The following CNTLN variants were observed in gnomAD, a reference collection of about 807,000 sequenced individuals.
CNTLN encodes centlein.
Under a neutral mutation model 180.0 loss-of-function variants are expected in CNTLN, and 212 were observed. The observed-to-expected ratio is 1.18, with a 90% CI of 1.05 to 1.32. CNTLN has a LOEUF of 1.32. Ranked by LOEUF, CNTLN falls within the 40% of genes most tolerant of loss-of-function variation. The pLI is 0.00. For missense variants in CNTLN, 2,095 were observed against 1,610.9 expected (o/e 1.30, Z -5.14); for synonymous variants, 722 against 563.1 (o/e 1.28, Z -3.99).
rs561435487 is a variant in CNTLN, at chr9:17,165,721, T to G, written c.449+22345T>G. Among the ~76,000 whole-genome samples the G allele has an allele frequency of 2.0e-5, 3 of 152,350 alleles. No individual in the cohort carries two copies. The East Asian group carries it at 5.8e-4, about 29-fold the overall frequency. ...GTACAGGATTAGCTATTATGAAAAC[T>G]GGGGGAATAAGTGAATGCCTATTCT... On this transcript the variant is annotated intron_variant, in intron 2 of 25. Transcript: ENST00000380647.
intron 2 of CNTLN, among the ~76,000 whole-genome samples, chr9:17,151,539 A>G (rs950534678): frequency 6.6e-6 from 1 of 152,060 alleles, no homozygotes; most frequent in African/African-American, 2.4e-5. Flanking sequence ...AAGCTTTTTG[A>G]TGTGCTGCTG....
intron 6 of CNTLN, among the ~76,000 whole-genome samples, chr9:17,283,666 T>C (rs1828800555): frequency 6.6e-6 from 1 of 152,192 alleles, no homozygotes; most frequent in African/African-American, 2.4e-5. Context: ...AGCATCCTTG[T>C]CTTGTGCCAG....
chr9:17,343,026 C>G (rs1199731992), intron 12 of CNTLN, among the ~76,000 whole-genome samples: 2 of 152,174 alleles, frequency 1.3e-5, no homozygotes, highest in African/African-American at 4.8e-5. Context: ...AGGGAATTGC[C>G]TTCTTTCTTG....
intron 25 of CNTLN, among the ~76,000 whole-genome samples, chr9:17,500,373 T>TTTAGATTTAAATTTGATTTAAATCTA (rs1833679491): frequency 6.6e-6 from 1 of 152,192 alleles, no homozygotes; most frequent in Admixed American, 6.5e-5. Context: ...GATTACAAGA[T>TTTAGATTTAAATTTGATTTAAATCTA]AATAAGAGTA....
At chr9:17,168,483 G>A (rs1820227848) in intron 2 of CNTLN, 1 of 152,076 alleles carries the variant, frequency 6.6e-6, no homozygotes, top group Admixed American at 6.5e-5. Flanking sequence ...TTTTGGTTAT[G>A]TCTTAATAAC....
At chr9:17,519,780 A>T in the CNTLN span, among the ~76,000 whole-genome samples, 2 of 152,226 alleles carry the variant, frequency 1.3e-5, no homozygotes, top group Non-Finnish European at 2.9e-5. Flanking sequence ...TGCAGAGAGG[A>T]TGAGAAGGTC....
chr9:17,267,057 A>G (rs1827517837), intron 5 of CNTLN, among the ~76,000 whole-genome samples: 1 of 152,010 alleles, frequency 6.6e-6, no homozygotes, highest in Non-Finnish European at 1.5e-5. Context: ...TAATGTTGTT[A>G]TGTGTGAATT....
chr9:17,333,693 TCA>T (rs1261896165), intron 10 of CNTLN, among the ~76,000 whole-genome samples: 2 of 152,060 alleles, frequency 1.3e-5, no homozygotes, highest in Admixed American at 6.6e-5. Flanking sequence ...GTTTATTCAT[TCA>T]GAGTTAAACT....
chr9:17,248,938 T>C (rs1031957835), intron 5 of CNTLN, among the ~76,000 whole-genome samples: 1 of 152,086 alleles, frequency 6.6e-6, no homozygotes, highest in African/African-American at 2.4e-5. Context: ...ATTTTGGATT[T>C]TAGTTATTTG....
At chr9:17,431,270 A>G (rs906574207) in intron 18 of CNTLN, among the ~76,000 whole-genome samples, 6 of 152,114 alleles carry the variant, frequency 3.9e-5, no homozygotes, top group East Asian at 1.9e-4. Flanking sequence ...TGATACCTCA[A>G]TGTGGTTTTG....
At chr9:17,407,572 C>T (rs1827491332) in intron 15 of CNTLN, among the ~76,000 whole-genome samples, 1 of 152,040 alleles carries the variant, frequency 6.6e-6, no homozygotes, top group Non-Finnish European at 1.5e-5. Context: ...CTATAAAATA[C>T]CAGTTGCACT....
At chr9:17,180,111 C>G (rs1340781638) in intron 2 of CNTLN, among the ~76,000 whole-genome samples, 1 of 151,112 alleles carries the variant, frequency 6.6e-6, no homozygotes, top group Non-Finnish European at 1.5e-5. Context: ...ATTTTAAAAT[C>G]TACTCTGTTG....
intron 5 of CNTLN, among the ~76,000 whole-genome samples, chr9:17,237,353 CTACA>C (rs1434172159): frequency 1.0e-5 from 1 of 100,000 alleles, no homozygotes; most frequent in Non-Finnish European, 2.0e-5. Context: ...GTATATGCCC[CTACA>C]CACACACACA....
At position 17,261,704 on chromosome 9, in the gene CNTLN, T is replaced by C. The variant is rs148520709; in HGVS notation, c.850-12029T>C. Among the ~76,000 whole-genome samples, 38 of 151,274 alleles carry C rather than the reference T, an allele frequency of 2.5e-4. 2 individuals carry two copies. In the East Asian group the frequency reaches 6.6e-3, roughly 26 times the overall value. ...GCTCTGGCTAGGACTTCTAGTACTA[T>C]GTTGAATAGGAGTGGTAAGAGTGGG... On this transcript the variant is annotated intron_variant, in intron 5 of 25. Transcript: ENST00000380647.
intron 2 of CNTLN, among the ~76,000 whole-genome samples, chr9:17,215,540 C>A (rs1387768848): frequency 6.6e-6 from 1 of 152,172 alleles, no homozygotes; most frequent in Non-Finnish European, 1.5e-5. Flanking sequence ...TCTCAGATCT[C>A]ACACTCCATA....
intron 14 of CNTLN, among the ~76,000 whole-genome samples, chr9:17,388,712 T>A (rs1442521): frequency 0.82 from 123,956 of 151,780 alleles, 51,104 homozygotes; most frequent in Non-Finnish European, 0.87. Flanking sequence ...TACGTGACTC[T>A]TCTCATTTTA....
chr9:17,306,024 G>GTCTTACA (rs763544810), intron 7 of CNTLN, among the ~76,000 whole-genome samples: 19 of 152,004 alleles, frequency 1.2e-4, no homozygotes, highest in Non-Finnish European at 2.4e-4. Context: ...TCCCAGTGTA[G>GTCTTACA]TCTTACACAC....
At chr9:17,466,594 A>G (rs1831763720) in intron 22 of CNTLN, 112 bp from the exon 23 acceptor site, 1 of 818,438 alleles carries the variant, frequency 1.2e-6, no homozygotes, top group Non-Finnish European at 1.9e-6. Context: ...TACCCAAATA[A>G]TAAATACATA....
intron 2 of CNTLN, among the ~76,000 whole-genome samples, chr9:17,222,883 A>T (rs941146686): frequency 1.3e-5 from 2 of 151,866 alleles, no homozygotes; most frequent in South Asian, 4.2e-4. Context: ...CTAATCTATA[A>T]ATGTTGAAAT....
Sources: gnomAD v4.1 joint callset for allele counts (sites outside exome capture counted in the v4.1 genomes callset) on GRCh38, gnomAD v4.1.1 for gene constraint, MANE v1.5 for transcripts, NCBI Gene and HGNC (gene_info 2026-07-23, HGNC 2026-07-21) for gene names.